The following ABCA10 variants were observed in gnomAD, a reference collection of about 807,000 sequenced individuals.
ABCA10 encodes ATP binding cassette subfamily A member 10.
Under a neutral mutation model 187.5 loss-of-function variants are expected in ABCA10, and 169 were observed. That is an observed-to-expected ratio of 0.90 (90% CI 0.80 to 1.02). ABCA10 has a LOEUF of 1.02. ABCA10 is among the 50% of genes least tolerant of loss of function. The pLI, the probability that ABCA10 is intolerant of heterozygous loss-of-function variation, is 0.00. For synonymous variants in ABCA10, 574 were observed against 601.8 expected (o/e 0.95, Z 0.68); for missense variants, 1,727 against 1,812.4 (o/e 0.95, Z 0.86).
In ABCA10 at chr17:69,206,394, T is replaced by A. The variant is rs574144080; in HGVS notation, c.1007-4726A>T. Among the ~76,000 whole-genome samples the A allele has an allele frequency of 4.6e-5, 7 of 151,926 alleles. No homozygotes were observed. The East Asian group carries it at 1.4e-3, about 29-fold the overall frequency. On this transcript the variant is annotated intron_variant, in intron 9 of 38. Transcript: ENST00000690296. ...AGCAGAAACATTAACTTGAAATGAC[T>A]ATCTACACTCAAAAATACCTTCACA...
At chr17:69,190,501 C>G (rs1472485810) in intron 17 of ABCA10, 24 bp from the exon 18 acceptor site, 7 of 1,539,744 alleles carry the variant, frequency 4.5e-6, no homozygotes, top group Non-Finnish European at 6.1e-6. Flanking sequence ...AGTAATAAGT[C>G]AACGCAATTA....
At chr17:69,155,258 T>A in intron 29 of ABCA10, 122 bp from the exon 30 acceptor site, 2 of 688,330 alleles carry the variant, frequency 2.9e-6, no homozygotes, top group South Asian at 4.3e-5. Flanking sequence ...TGAAGAGCTT[T>A]AGCCTCTTTT....
intron 27 of ABCA10, among the ~76,000 whole-genome samples, chr17:69,162,838 C>CACATACATATACATAT (rs1555658327): frequency 5.8e-5 from 7 of 120,838 alleles, no homozygotes; most frequent in African/African-American, 2.6e-4. Context: ...TATACATATA[C>CACATACATATACATAT]ATATATATAT....
At chr17:69,178,762 A>C (rs1210110923) in intron 22 of ABCA10, among the ~76,000 whole-genome samples, 1 of 152,222 alleles carries the variant, frequency 6.6e-6, no homozygotes, top group Non-Finnish European at 1.5e-5. Flanking sequence ...CATGAGTAAA[A>C]GAATGAATAA....
Position 69,193,476 on chromosome 17 carries a change from T to C in ABCA10, c.1641+17A>G, listed in dbSNP as rs756001624. 1 of 1,601,472 alleles carries C rather than the reference T, an allele frequency of 6.2e-7. No individual in the cohort carries two copies. Among genetic ancestry groups the C allele is most frequent in the African/African-American group, 1.3e-5 (1 of 74,082 alleles). ...CTTCAATCTAAATTAATTGTAAAAA[T>C]ATATTTTTTCTCTCACCTGAGGATC... is the stretch of plus-strand genomic sequence containing the variant. On this transcript the variant is annotated intron_variant, in intron 14 of 38. Coordinates refer to ENST00000690296, the MANE Select transcript of ABCA10 (RefSeq NM_001377321.1).
chr17:69,163,766 T>C (rs2074235964), intron 27 of ABCA10, among the ~76,000 whole-genome samples: 1 of 152,236 alleles, frequency 6.6e-6, no homozygotes, highest in Non-Finnish European at 1.5e-5. Context: ...TTAACACATA[T>C]TTACTTGATT....
At chr17:69,224,787 G>A (rs752055919) in intron 3 of ABCA10, among the ~76,000 whole-genome samples, 1 of 150,928 alleles carries the variant, frequency 6.6e-6, no homozygotes, top group African/African-American at 2.4e-5. Flanking sequence ...AATTTTAAAT[G>A]CCCTGAGCTG....
intron 36 of ABCA10, 54 bp from the exon 37 acceptor site, chr17:69,150,117 G>T (rs766374810): frequency 3.7e-6 from 5 of 1,349,158 alleles, no homozygotes; most frequent in Non-Finnish European, 5.2e-6. Flanking sequence ...ATAATACGGG[G>T]GAGGAATTAA....
chr17:69,210,843 G>C (rs1598117436), intron 9 of ABCA10, among the ~76,000 whole-genome samples: 1 of 12,894 alleles, frequency 7.8e-5, no homozygotes, highest in African/African-American at 4.9e-4. Flanking sequence ...ACATATTTAT[G>C]CCACATATAT....
chr17:69,199,089 C>T (rs2074525500), intron 10 of ABCA10, among the ~76,000 whole-genome samples: 1 of 152,156 alleles, frequency 6.6e-6, no homozygotes, highest in Non-Finnish European at 1.5e-5. Context: ...GTGGCTTATG[C>T]CATATCCCCT....
chr17:69,167,477 A>G (rs2074261935), intron 25 of ABCA10, among the ~76,000 whole-genome samples: 1 of 152,218 alleles, frequency 6.6e-6, no homozygotes, highest in Admixed American at 6.5e-5. Flanking sequence ...GCATGACTTC[A>G]CAGGATTTAC....
At chr17:69,204,765 A>G (rs1310665552) in intron 9 of ABCA10, among the ~76,000 whole-genome samples, 4 of 152,220 alleles carry the variant, frequency 2.6e-5, no homozygotes, top group Non-Finnish European at 5.9e-5. Flanking sequence ...TGGTTCAGTA[A>G]AAGAATTATA....
chr17:69,191,711 T>C (rs1445537670), intron 16 of ABCA10, among the ~76,000 whole-genome samples: 1 of 152,218 alleles, frequency 6.6e-6, no homozygotes, highest in African/African-American at 2.4e-5. Context: ...ACATGTGTGA[T>C]ATACATAAAA....
chr17:69,175,240 C>G (rs769351781), intron 23 of ABCA10, among the ~76,000 whole-genome samples, 166 bp downstream of exon 23: 1 of 152,072 alleles, frequency 6.6e-6, no homozygotes, highest in African/African-American at 2.4e-5. Context: ...ACTTTCTGAC[C>G]TCTTTGAAAT....
intron 9 of ABCA10, among the ~76,000 whole-genome samples, chr17:69,211,349 A>G (rs9897637): frequency 0.085 from 1,703 of 19,990 alleles, 84 homozygotes; most frequent in African/African-American, 0.25. Context: ...ATATATATAT[A>G]TATATATATA....
intron 6 of ABCA10, among the ~76,000 whole-genome samples, chr17:69,217,393 C>A (rs1377438404): frequency 2.6e-5 from 4 of 152,068 alleles, no homozygotes; most frequent in Non-Finnish European, 5.9e-5. Context: ...CATGATCCAG[C>A]AAATATACCA....
chr17:69,224,330 A>C (rs2074775322), intron 3 of ABCA10, among the ~76,000 whole-genome samples: 1 of 152,182 alleles, frequency 6.6e-6, no homozygotes, highest in Non-Finnish European at 1.5e-5. Context: ...AGATTGGATA[A>C]AATGTACAAA....
At chr17:69,226,456 G>A (rs1009577402) in intron 2 of ABCA10, among the ~76,000 whole-genome samples, 1 of 151,946 alleles carries the variant, frequency 6.6e-6, no homozygotes, top group African/African-American at 2.4e-5. Flanking sequence ...CACTGAAATG[G>A]TACTGACTAT....
intron 24 of ABCA10, 27 bp downstream of exon 24, chr17:69,174,580 T>C (rs760040083): frequency 9.0e-6 from 14 of 1,554,604 alleles, no homozygotes; most frequent in Non-Finnish European, 1.2e-5. Context: ...CTATTATAAT[T>C]GGCTTGTGGA....
Sources: gnomAD v4.1 joint callset for allele counts (sites outside exome capture counted in the v4.1 genomes callset) on GRCh38, gnomAD v4.1.1 for gene constraint, MANE v1.5 for transcripts, NCBI Gene and HGNC (gene_info 2026-07-23, HGNC 2026-07-21) for gene names.